CACNA1B: variants seen among roughly 807,000 people sequenced by gnomAD.
CACNA1B encodes the protein calcium voltage-gated channel subunit alpha1 B, also known as voltage-dependent N-type calcium channel subunit alpha-1B.
CACNA1B carries 70 observed loss-of-function variants against 247.2 expected under a neutral mutation model. That is an observed-to-expected ratio of 0.28 (90% CI 0.23 to 0.35). CACNA1B has a LOEUF of 0.35. Among genes scored for constraint, CACNA1B ranks in the 10% least tolerant of loss-of-function variants. CACNA1B has a pLI of 1.00. For missense variants in CACNA1B, 2,367 were observed against 3,197.4 expected (o/e 0.74, Z 6.26); for synonymous variants, 1,231 against 1,294.4 (o/e 0.95, Z 1.05).
rs1346128903 is a variant in CACNA1B at position 137,986,722 on chromosome 9, G to A, written c.1902-60G>A. 10 of 1,450,432 alleles carry A rather than the reference G, an allele frequency of 6.9e-6. No homozygotes were observed. Among genetic ancestry groups the A allele is most frequent in the Admixed American group, 3.3e-5 (2 of 59,818 alleles). The allele number at this position is 1,450,432 out of a possible 1,614,324, so 89.8% of individuals were successfully genotyped here. The stretch of plus-strand genomic sequence containing the variant: ...GCAGGTTGAGGCCACGCTGGAGCCT[G>A]CAGGCGCTGCCTCGCTGCTGACGGG... On this transcript the variant is annotated intron_variant, in intron 14 of 46. Coordinates refer to ENST00000371372, the MANE Select transcript of CACNA1B (RefSeq NM_000718.4). The surrounding 1 kb of genome is among the most constrained non-coding windows in gnomAD (Gnocchi z 6.0).
At chr9:137,911,421 T>C (rs1957358322) in intron 3 of CACNA1B, among the ~76,000 whole-genome samples, 1 of 152,208 alleles carries the variant, frequency 6.6e-6, no homozygotes, top group African/African-American at 2.4e-5. Context: ...ATCTTTTCTT[T>C]ATTTATTTAT....
chr9:137,981,140 G>A (rs1459554238), intron 12 of CACNA1B, among the ~76,000 whole-genome samples: 4 of 152,038 alleles, frequency 2.6e-5, no homozygotes, highest in African/African-American at 7.2e-5. Flanking sequence ...CCGTAGCTTC[G>A]CCAACATCTG....
At chr9:137,932,184 C>G (rs971480932) in intron 6 of CACNA1B, among the ~76,000 whole-genome samples, 1 of 152,170 alleles carries the variant, frequency 6.6e-6, no homozygotes, top group African/African-American at 2.4e-5. Context: ...CATAAAATCT[C>G]TGGACAAGTT....
intron 6 of CACNA1B, among the ~76,000 whole-genome samples, chr9:137,948,503 CT>C (rs1157841687): frequency 4.6e-5 from 7 of 151,208 alleles, no homozygotes; most frequent in Non-Finnish European, 5.9e-5. Flanking sequence ...AGATTTTCGA[CT>C]TTTTTTTTAG....
intron 10 of CACNA1B, among the ~76,000 whole-genome samples, chr9:137,958,928 T>C (rs1338225854): frequency 1.3e-5 from 2 of 152,234 alleles, no homozygotes; most frequent in Non-Finnish European, 2.9e-5. Flanking sequence ...CTGTCTGGAC[T>C]TGGCCTTTGG....
chr9:137,947,633 G>C (rs1021873535), intron 6 of CACNA1B, among the ~76,000 whole-genome samples: 1 of 151,564 alleles, frequency 6.6e-6, no homozygotes, highest in Non-Finnish European at 1.5e-5. Flanking sequence ...AGTTCTGCTG[G>C]TGACAAATTC....
In CACNA1B at chr9:138,102,560, G is replaced by A; in HGVS notation, c.5223-151G>A. On this transcript the variant is annotated intron_variant, in intron 37 of 46. Transcript: ENST00000371372. The surrounding 1 kb of genome is among the most constrained non-coding windows in gnomAD (Gnocchi z 5.4). ...CTCATTTTATTTATTTTGATTTTGG[G>A]CTTTGAATCCGACACTTTGATTAAC... 1.9e-6 allele frequency: 1 copy of A among 535,476 alleles called. No individual in the cohort carries two copies. The highest frequency in any genetic ancestry group is 2.5e-5 in the South Asian group (1 of 39,804). 33.2% of individuals were successfully genotyped at this position (535,476 alleles called of 1,614,324 possible). A position where few individuals can be genotyped will look rare whatever the true frequency, so the allele number is the denominator to read the frequency against.
intron 20 of CACNA1B, among the ~76,000 whole-genome samples, chr9:138,032,497 A>G (rs1349126472): frequency 6.6e-6 from 1 of 151,662 alleles, no homozygotes; most frequent in Non-Finnish European, 1.5e-5. Flanking sequence ...ATATTCCAAT[A>G]TTTCTTCTTT....
At chr9:137,965,606 T>TTTAC (rs1489084289) in intron 10 of CACNA1B, among the ~76,000 whole-genome samples, 1 of 151,904 alleles carries the variant, frequency 6.6e-6, no homozygotes, top group African/African-American at 2.4e-5. Context: ...TATTTATTTA[T>TTTAC]TTATTTATTT....
chr9:137,991,868 C>G (rs1398014069), intron 15 of CACNA1B, among the ~76,000 whole-genome samples: 1 of 152,128 alleles, frequency 6.6e-6, no homozygotes, highest in Admixed American at 6.5e-5. Context: ...ATGATACAGT[C>G]TTTTACAGGC....
In CACNA1B at chr9:138,102,871, T is replaced by C; in HGVS notation, c.5319+64T>C. The C allele has an allele frequency of 2.0e-6, 2 of 1,012,900 alleles. No individual in the cohort carries two copies. The highest frequency in any genetic ancestry group is 3.0e-6 in the Non-Finnish European group (2 of 663,104). 62.7% of individuals were successfully genotyped at this position (1,012,900 alleles called of 1,614,324 possible). A position where few individuals can be genotyped will look rare whatever the true frequency, so the allele number is the denominator to read the frequency against. On this transcript the variant is annotated intron_variant, in intron 38 of 46. Coordinates refer to ENST00000371372, the MANE Select transcript of CACNA1B (RefSeq NM_000718.4). The surrounding 1 kb of genome is among the most constrained non-coding windows in gnomAD (Gnocchi z 5.4). ...TGTGTGCTTGCTGAGGGGTGCTTGC[T>C]GGCTCTCCCAGCTCCTCTCCCTTTC...
chr9:137,987,666 C>T (rs532213169), intron 15 of CACNA1B, among the ~76,000 whole-genome samples: 11 of 152,288 alleles, frequency 7.2e-5, no homozygotes, highest in African/African-American at 2.2e-4. Flanking sequence ...GAGCCTACAA[C>T]TTGTGTGAAG....
chr9:137,934,129 G>A (rs1376793703), intron 6 of CACNA1B, among the ~76,000 whole-genome samples: 2 of 152,130 alleles, frequency 1.3e-5, no homozygotes, highest in Non-Finnish European at 2.9e-5. Flanking sequence ...AAGTTGGTAG[G>A]CATTTACTTA....
chr9:138,102,089 G>C lies in CACNA1B; in HGVS notation c.5223-622G>C, dbSNP rs1355802187. ...AGCAGCCCTGCCCTGGGCTGGCCTC[G>C]GGCGTCTCTGGGCTTGAAGCAGGAC... is the stretch of plus-strand genomic sequence containing the variant. On this transcript the variant is annotated intron_variant, in intron 37 of 46. Coordinates refer to ENST00000371372, the MANE Select transcript of CACNA1B (RefSeq NM_000718.4). The surrounding 1 kb of genome is among the most constrained non-coding windows in gnomAD (Gnocchi z 5.4). Among the ~76,000 whole-genome samples the C allele has an allele frequency of 6.6e-6, 1 of 152,172 alleles. No individual in the cohort carries two copies.
intron 2 of CACNA1B, 29 bp downstream of exon 2, chr9:137,879,188 G>T: frequency 6.8e-7 from 1 of 1,473,430 alleles, no homozygotes; most frequent in Non-Finnish European, 9.4e-7. Context: ...CTGAGGGCAG[G>T]GTGGTGGGGA....
intron 36 of CACNA1B, among the ~76,000 whole-genome samples, chr9:138,087,921 A>C (rs969340665): frequency 2.6e-5 from 4 of 152,070 alleles, no homozygotes; most frequent in African/African-American, 7.2e-5. Flanking sequence ...GAAACACACA[A>C]AGATTTCAAA....
chr9:137,996,434 TCTCA>T (rs992583430), intron 15 of CACNA1B, among the ~76,000 whole-genome samples: 4 of 152,166 alleles, frequency 2.6e-5, no homozygotes, highest in African/African-American at 9.7e-5. Flanking sequence ...CATTGTGTGT[TCTCA>T]CTCATAAGTG....
At chr9:137,946,025 T>C (rs1012943658) in intron 6 of CACNA1B, among the ~76,000 whole-genome samples, 1 of 152,124 alleles carries the variant, frequency 6.6e-6, no homozygotes, top group African/African-American at 2.4e-5. Flanking sequence ...TTTCACCATA[T>C]TGGCCAGGCT....
chr9:138,073,337 T>G lies in CACNA1B; in HGVS notation c.4675-151T>G, dbSNP rs1489133911. 1 of 592,164 alleles carries G rather than the reference T, an allele frequency of 1.7e-6. No individual in the cohort carries two copies. The highest frequency in any genetic ancestry group is 3.1e-6 in the Non-Finnish European group (1 of 327,488). 36.7% of individuals were successfully genotyped at this position (592,164 alleles called of 1,614,324 possible). ...AGATTTTCTGGTGGCCGATTGCTGC[T>G]TAGACTGTGAAGCAGAGACCTTTGA... On this transcript the variant is annotated intron_variant, in intron 32 of 46. Transcript: ENST00000371372. This position sits in a 1 kb window ranked among gnomAD's most constrained non-coding sequence, Gnocchi z 6.4.
Sources: gnomAD v4.1 joint callset for allele counts (sites outside exome capture counted in the v4.1 genomes callset) on GRCh38, gnomAD v4.1.1 for gene constraint, Gnocchi (gnomAD v3.1) non-coding constraint, MANE v1.5 for transcripts, NCBI Gene and HGNC (gene_info 2026-07-23, HGNC 2026-07-21) for gene names.